PDK1: variants seen among roughly 807,000 people sequenced by gnomAD.
PDK1 encodes the protein [Pyruvate dehydrogenase (acetyl-transferring)] kinase isozyme 1, mitochondrial.
A neutral mutation model predicts 54.2 loss-of-function variants in PDK1; 39 were observed. The observed-to-expected ratio is 0.72, with a 90% confidence interval of 0.56 to 0.94. The LOEUF (loss-of-function observed/expected upper bound fraction) is 0.94. Ranked by LOEUF, PDK1 falls within the 40% of genes least tolerant of loss-of-function variation. The probability of loss-of-function intolerance (pLI) is 0.00; values close to 1 mark genes in which losing one functional copy is unlikely to be tolerated. For missense variants in PDK1, 552 were observed against 566.0 expected, an observed-to-expected ratio of 0.98 and a Z score of 0.25; for synonymous variants, 221 against 207.1, an observed-to-expected ratio of 1.07 and a Z score of -0.58.
intron 9 of PDK1, among the ~76,000 whole-genome samples, chr2:172,590,428 C>G (rs1186109062): frequency 6.6e-6 from 1 of 152,024 alleles, no homozygotes; most frequent in African/African-American, 2.4e-5. Context: ...TCCAGAGTTT[C>G]TTTCTTCGGT....
At chr2:172,643,128 G>A in the PDK1 span, among the ~76,000 whole-genome samples, 2 of 152,150 alleles carry the variant, frequency 1.3e-5, no homozygotes, top group Non-Finnish European at 2.9e-5. Context: ...TTAAACTGTA[G>A]TTCTTTTTGG....
At chr2:172,719,790 CT>C in the PDK1 span, among the ~76,000 whole-genome samples, 1 of 152,162 alleles carries the variant, frequency 6.6e-6, no homozygotes, top group South Asian at 2.1e-4. Flanking sequence ...CATTTAGAGC[CT>C]TTAACATATT....
Position 172,566,893 on chromosome 2 carries a change from T to C in PDK1, c.729T>C (p.Tyr243=). ...YENARRLCDL[Y]YINSPELELE... ...ATGCTAGGCGTCTGTGTGATTTGTA[T>C]TATATTAACTCTCCCGAACTAGAAC... Residue 243 remains tyrosine (Y), a synonymous_variant, in exon 6 of 11, where the codon TAT becomes TAC. Transcript: ENST00000282077. 6.2e-7 allele frequency: 1 copy of C among 1,611,720 alleles called. No individual in the cohort carries two copies. Among genetic ancestry groups the C allele is most frequent in the East Asian group, 2.2e-5 (1 of 44,782 alleles).
the PDK1 span, among the ~76,000 whole-genome samples, chr2:172,632,002 G>A: frequency 1.9e-4 from 29 of 152,134 alleles, no homozygotes; most frequent in South Asian, 3.3e-3. Flanking sequence ...GAGGCCGGAC[G>A]TGGTGGCTCA....
At chr2:172,660,467 G>A in the PDK1 span, among the ~76,000 whole-genome samples, 67 of 151,454 alleles carry the variant, frequency 4.4e-4, no homozygotes, top group African/African-American at 1.5e-3. Flanking sequence ...ATGTTGCCCA[G>A]GCTGGTCTCG....
At chr2:172,657,800 G>A in the PDK1 span, among the ~76,000 whole-genome samples, 10 of 136,864 alleles carry the variant, frequency 7.3e-5, no homozygotes, top group African/African-American at 1.7e-4. Context: ...CAGTCTTAGC[G>A]CATTCTGAGT....
the PDK1 span, among the ~76,000 whole-genome samples, chr2:172,701,648 G>GTTT: frequency 3.2e-5 from 4 of 124,866 alleles, no homozygotes; most frequent in Non-Finnish European, 6.7e-5. Flanking sequence ...TTTTTGTTTT[G>GTTT]TTTTTTTTTT....
the PDK1 span, among the ~76,000 whole-genome samples, chr2:172,614,830 A>C: frequency 6.6e-6 from 1 of 152,248 alleles, no homozygotes; most frequent in Non-Finnish European, 1.5e-5. Flanking sequence ...AGATCCTGTA[A>C]CAATAATCTA....
the PDK1 span, among the ~76,000 whole-genome samples, chr2:172,669,897 A>G: frequency 2.6e-5 from 4 of 152,018 alleles, no homozygotes; most frequent in Admixed American, 1.3e-4. Flanking sequence ...TATATTTTGG[A>G]TATTAACACC....
chr2:172,722,290 T>A, the PDK1 span, among the ~76,000 whole-genome samples: 1 of 152,232 alleles, frequency 6.6e-6, no homozygotes, highest in Admixed American at 6.5e-5. Flanking sequence ...GTGTTCCAGC[T>A]CTTAGAGATA....
chr2:172,612,702 T>C (rs112013694), downstream of PDK1, among the ~76,000 whole-genome samples: 2 of 152,126 alleles, frequency 1.3e-5, no homozygotes, highest in African/African-American at 4.8e-5. Flanking sequence ...GTTTCACTGT[T>C]AATTGTCCAG....
the PDK1 span, among the ~76,000 whole-genome samples, chr2:172,656,175 C>T: frequency 6.6e-6 from 1 of 152,208 alleles, no homozygotes; most frequent in Non-Finnish European, 1.5e-5. Flanking sequence ...ACAGTGGTTT[C>T]AGAATCTCTA....
At position 172,576,998 on chromosome 2, in the gene PDK1, TC is replaced by T. The variant is rs1689616935; in HGVS notation, c.945+6176del. Reference sequence around the variant, plus strand: ...TTGCAGTGTTGTACAAGCTTGTCTTTCCTTGTTGATCTTGTAATTGTTATAT... The same window carrying T: ...TTGCAGTGTTGTACAAGCTTGTCTTTCTTGTTGATCTTGTAATTGTTATAT... On this transcript the variant is annotated intron_variant, in intron 8 of 10. Coordinates refer to ENST00000282077, the MANE Select transcript of PDK1 (RefSeq NM_002610.5). Among the ~76,000 whole-genome samples, 4 of 152,246 alleles carry T rather than the reference TC, an allele frequency of 2.6e-5. No homozygotes were observed. In the South Asian group the frequency reaches 8.3e-4, roughly 32 times the overall value.
chr2:172,570,884 GCAAA>G, intron 8 of PDK1, 60 bp downstream of exon 8: 1 of 922,512 alleles, frequency 1.1e-6, no homozygotes. Context: ...GAACAGACAT[GCAAA>G]GGTAACCATA....
chr2:172,635,408 C>T, the PDK1 span, among the ~76,000 whole-genome samples: 4 of 152,094 alleles, frequency 2.6e-5, no homozygotes, highest in African/African-American at 4.8e-5. Context: ...CTCCCCCTCC[C>T]GGGTTCAAGT....
chr2:172,659,148 C>T, the PDK1 span, among the ~76,000 whole-genome samples: 1 of 152,158 alleles, frequency 6.6e-6, no homozygotes, highest in Admixed American at 6.5e-5. Context: ...TGTGACGTCA[C>T]CCCTTAGCAG....
intron 2 of PDK1, among the ~76,000 whole-genome samples, 164 bp from the exon 3 acceptor site, chr2:172,562,056 G>T (rs1353106189): frequency 6.6e-6 from 1 of 152,140 alleles, no homozygotes; most frequent in East Asian, 1.9e-4. Context: ...CCAGCACTTT[G>T]CTTGAATGTG....
chr2:172,704,613 A>G, the PDK1 span, among the ~76,000 whole-genome samples: 1 of 152,198 alleles, frequency 6.6e-6, no homozygotes, highest in Non-Finnish European at 1.5e-5. Flanking sequence ...CATCCAAAGC[A>G]CCACAGTCTT....
the PDK1 span, among the ~76,000 whole-genome samples, chr2:172,614,217 TCAGA>T: frequency 1.3e-5 from 2 of 149,958 alleles, no homozygotes; most frequent in Admixed American, 6.6e-5. Flanking sequence ...GGGTACCTGT[TCAGA>T]CAGAGTCCTG....
Sources: allele counts gnomAD v4.1 joint callset (sites outside exome capture counted in the v4.1 genomes callset), GRCh38; gene constraint gnomAD v4.1.1; transcripts MANE v1.5; gene names NCBI Gene and HGNC (gene_info 2026-07-23, HGNC 2026-07-21).